Variants in CNTN4 observed in about 807,000 individuals in gnomAD.
CNTN4 encodes the protein contactin 4, also known as contactin-4.
Under a neutral mutation model 122.5 loss-of-function variants are expected in CNTN4, and 77 were observed. That is an observed-to-expected ratio of 0.63 (90% CI 0.52 to 0.76). CNTN4 has a LOEUF of 0.76. Among genes scored for constraint, CNTN4 ranks in the 30% least tolerant of loss-of-function variants. The pLI, the probability that CNTN4 is intolerant of heterozygous loss-of-function variation, is 0.00. For synonymous variants in CNTN4, 512 were observed against 447.0 expected (o/e 1.15, Z -1.83); for missense variants, 1,256 against 1,259.1 (o/e 1.00, Z 0.04).
intron 14 of CNTN4, among the ~76,000 whole-genome samples, chr3:3,012,436 C>T (rs1421901778): frequency 1.3e-5 from 2 of 151,784 alleles, no homozygotes; most frequent in African/African-American, 2.4e-5. Flanking sequence ...TTTGTTTGAT[C>T]GGTTTGGTTT....
intron 12 of CNTN4, among the ~76,000 whole-genome samples, chr3:2,905,631 C>T (rs552040151): frequency 1.3e-5 from 2 of 152,290 alleles, no homozygotes; most frequent in South Asian, 2.1e-4. Flanking sequence ...AGCAGTAGAG[C>T]AGTCAAGATA....
chr3:3,006,158 G>A (rs1183037083), intron 14 of CNTN4, among the ~76,000 whole-genome samples: 4 of 152,210 alleles, frequency 2.6e-5, no homozygotes, highest in South Asian at 4.1e-4. Flanking sequence ...TTACAGGCAT[G>A]AGCCACCGCG....
chr3:2,905,878 T>A (rs982040562), intron 12 of CNTN4, among the ~76,000 whole-genome samples: 36 of 152,234 alleles, frequency 2.4e-4, no homozygotes, highest in African/African-American at 8.7e-4. Context: ...CTCAAAATTA[T>A]AAAATATCTG....
At chr3:2,774,739 C>A (rs141072215) in intron 6 of CNTN4, among the ~76,000 whole-genome samples, 189 of 152,212 alleles carry the variant, frequency 1.2e-3, no homozygotes, top group African/African-American at 4.4e-3. Flanking sequence ...ATGACTGTTA[C>A]AGCAGTTTTG....
chr3:2,302,534 A>G (rs937749311), intron 2 of CNTN4, among the ~76,000 whole-genome samples: 1 of 152,238 alleles, frequency 6.6e-6, no homozygotes, highest in African/African-American at 2.4e-5. Flanking sequence ...TAACTGGTAT[A>G]TATTAACTAA....
In CNTN4 at chr3:2,957,355, T is replaced by C. The variant is rs1416134200; in HGVS notation, c.1359-30990T>C. The stretch of plus-strand genomic sequence containing the variant: ...CTTAGCGGTGTGAGAAGATATCTTA[T>C]TGTGGTTTTGGTTTGCATTTCTCTG... On this transcript the variant is annotated intron_variant, in intron 13 of 24. Coordinates refer to ENST00000418658, the MANE Select transcript of CNTN4 (RefSeq NM_175607.3). 3.3e-5 allele frequency among the ~76,000 whole-genome samples: 5 copies of C among 152,158 alleles called. No individual in the cohort carries two copies. In the South Asian group the frequency reaches 8.3e-4, roughly 25 times the overall value.
At chr3:2,524,327 T>C (rs1057221066) in intron 3 of CNTN4, among the ~76,000 whole-genome samples, 2 of 152,138 alleles carry the variant, frequency 1.3e-5, no homozygotes, top group Admixed American at 6.6e-5. Context: ...CATTCCTTTT[T>C]ATGGCCAAAT....
intron 5 of CNTN4, among the ~76,000 whole-genome samples, chr3:2,738,776 A>T (rs1217234892): frequency 1.3e-5 from 2 of 152,192 alleles, no homozygotes; most frequent in Non-Finnish European, 2.9e-5. Context: ...AGTGTATAGA[A>T]GACCTAAATG....
chr3:2,555,093 T>C (rs1283650308), intron 3 of CNTN4, among the ~76,000 whole-genome samples: 1 of 152,250 alleles, frequency 6.6e-6, no homozygotes, highest in Non-Finnish European at 1.5e-5. Context: ...TGAGTATCTG[T>C]GATTCAGAAA....
chr3:2,267,026 A>G (rs1319668175), intron 2 of CNTN4, among the ~76,000 whole-genome samples: 2 of 152,120 alleles, frequency 1.3e-5, no homozygotes, highest in East Asian at 1.9e-4. Flanking sequence ...TGGCATAGTT[A>G]TGTCTTGTAA....
At chr3:3,023,596 A>G (rs1318989490) in intron 14 of CNTN4, among the ~76,000 whole-genome samples, 1 of 152,202 alleles carries the variant, frequency 6.6e-6, no homozygotes, top group Non-Finnish European at 1.5e-5. Context: ...GGAAGACAAG[A>G]CAGTTTTAGG....
At chr3:2,159,355 A>C (rs1302162507) in intron 2 of CNTN4, among the ~76,000 whole-genome samples, 3 of 151,964 alleles carry the variant, frequency 2.0e-5, no homozygotes, top group African/African-American at 7.3e-5. Flanking sequence ...AACAATATCA[A>C]AACAGAAAAA....
At chr3:2,354,924 C>T (rs1304629590) in intron 3 of CNTN4, among the ~76,000 whole-genome samples, 1 of 152,184 alleles carries the variant, frequency 6.6e-6, no homozygotes, top group Non-Finnish European at 1.5e-5. Context: ...GGAGCATTAG[C>T]AGCAGGAAGT....
chr3:2,209,490 C>G (rs1153538), intron 2 of CNTN4, among the ~76,000 whole-genome samples: 103,267 of 152,004 alleles, frequency 0.68, 35,647 homozygotes, highest in African/African-American at 0.74. Context: ...GCATCATCTA[C>G]GTGTATAATG....
intron 3 of CNTN4, among the ~76,000 whole-genome samples, chr3:2,411,994 G>C (rs1256272204): frequency 6.6e-6 from 1 of 152,004 alleles, no homozygotes; most frequent in Non-Finnish European, 1.5e-5. Flanking sequence ...CTTCTATCCT[G>C]AGGTAATTTG....
At chr3:2,973,037 C>A (rs1394371924) in intron 13 of CNTN4, among the ~76,000 whole-genome samples, 2 of 152,034 alleles carry the variant, frequency 1.3e-5, no homozygotes, top group Non-Finnish European at 2.9e-5. Context: ...AATGTTCTGT[C>A]ATCATGAGAA....
chr3:2,527,543 G>A (rs2077443067), intron 3 of CNTN4, among the ~76,000 whole-genome samples: 1 of 152,094 alleles, frequency 6.6e-6, no homozygotes, highest in Non-Finnish European at 1.5e-5. Flanking sequence ...TGAGGAGATG[G>A]GATTTTCATA....
chr3:2,627,631 A>G (rs2600314), intron 4 of CNTN4, among the ~76,000 whole-genome samples: 1 of 151,540 alleles, frequency 6.6e-6, no homozygotes, highest in Non-Finnish European at 1.5e-5. Flanking sequence ...GTAGTTGGGA[A>G]TACAGGTGCC....
chr3:2,519,209 A>G (rs1245401107), intron 3 of CNTN4, among the ~76,000 whole-genome samples: 1 of 152,148 alleles, frequency 6.6e-6, no homozygotes, highest in African/African-American at 2.4e-5. Context: ...TTAGCTCAAA[A>G]TAATCCTTTT....
Sources: gnomAD v4.1 joint callset for allele counts (sites outside exome capture counted in the v4.1 genomes callset) on GRCh38, gnomAD v4.1.1 for gene constraint, MANE v1.5 for transcripts, NCBI Gene and HGNC (gene_info 2026-07-23, HGNC 2026-07-21) for gene names.